NTS: variants seen among roughly 807,000 people sequenced by gnomAD.
The protein encoded by NTS is neurotensin/neuromedin N.
In NTS, 20 loss-of-function variants were observed where a neutral mutation model predicts 19.5. The observed-to-expected ratio is 1.02, with a 90% confidence interval of 0.72 to 1.49. NTS has a LOEUF of 1.49. Ranked by LOEUF, NTS falls within the 40% of genes most tolerant of loss-of-function variation. The pLI is 0.00. For synonymous variants in NTS, 71 were observed against 63.3 expected, an observed-to-expected ratio of 1.12 and a Z score of -0.58; for missense variants, 215 against 193.1, an observed-to-expected ratio of 1.11 and a Z score of -0.67.
intron 3 of NTS, among the ~76,000 whole-genome samples, chr12:85,880,154 G>C (rs896800864): frequency 6.6e-6 from 1 of 151,374 alleles, no homozygotes; most frequent in Non-Finnish European, 1.5e-5. Context: ...GAAACCTTTC[G>C]GTTCTGTGTT....
chr12:85,877,499 A>G (rs1311064833), intron 2 of NTS, among the ~76,000 whole-genome samples: 2 of 151,028 alleles, frequency 1.3e-5, no homozygotes, highest in Non-Finnish European at 2.9e-5. Flanking sequence ...TAAAATTCCA[A>G]TCTGTACCTA....
intron 1 of NTS, among the ~76,000 whole-genome samples, 192 bp downstream of exon 1, chr12:85,874,668 A>C (rs2136588253): frequency 6.6e-6 from 1 of 152,282 alleles, no homozygotes. Context: ...TTCTCTTTTA[A>C]AATCTGCAAA....
At position 85,878,437 on chromosome 12, in the gene NTS, A is replaced by G. The variant is rs1344816466; in HGVS notation, c.228A>G (p.Gly76=). Residue 76 remains glycine (G), a synonymous_variant, in exon 3 of 4, where the codon GGA becomes GGG. Transcript: ENST00000256010. The part of the protein sequence containing the change: ...NNLNSPAEET[G]EVHEEELVAR... ...TGAACAGCCCAGCTGAGGAAACAGG[A>G]GAAGTTCATGAAGAGGAGCTTGTTG... 13 of 1,613,838 alleles carry G rather than the reference A, an allele frequency of 8.1e-6. No individual in the cohort carries two copies. The highest frequency in any genetic ancestry group is 1.1e-5 in the Non-Finnish European group (13 of 1,179,850).
At chr12:85,882,034 T>C (rs1355824359) in intron 3 of NTS, among the ~76,000 whole-genome samples, 189 bp from the exon 4 acceptor site, 3 of 151,854 alleles carry the variant, frequency 2.0e-5, no homozygotes, top group Non-Finnish European at 4.4e-5. Flanking sequence ...ACCATGTTCT[T>C]ATACTATTTC....
At chr12:85,881,342 C>A (rs1881498353) in intron 3 of NTS, among the ~76,000 whole-genome samples, 1 of 151,888 alleles carries the variant, frequency 6.6e-6, no homozygotes, top group Admixed American at 6.6e-5. Context: ...TTATAGTGAC[C>A]CCTCAAATTA....
intron 3 of NTS, among the ~76,000 whole-genome samples, chr12:85,879,989 G>A (rs138095326): frequency 5.4e-5 from 8 of 149,390 alleles, no homozygotes; most frequent in Non-Finnish European, 8.9e-5. Context: ...GGCAAGAACC[G>A]TAATTACTTT....
Position 85,878,310 on chromosome 12 carries a change from G to C in NTS, c.136-35G>C, listed in dbSNP as rs563214288. On this transcript the variant is annotated intron_variant, in intron 2 of 3. Transcript: ENST00000256010. ...TTCATTTCTTGCTCATGTAACACAA[G>C]TTTTAATTGCAGGGGTTTTTTTAAT... The C allele has an allele frequency of 4.1e-6, 6 of 1,478,892 alleles. No homozygotes were observed. In the Admixed American group the frequency reaches 9.9e-5, roughly 24 times the overall value. 91.6% of individuals were successfully genotyped at this position (1,478,892 alleles called of 1,614,324 possible).
At chr12:85,879,681 A>AAT (rs1881453643) in intron 3 of NTS, among the ~76,000 whole-genome samples, 1 of 126,104 alleles carries the variant, frequency 7.9e-6, no homozygotes, top group African/African-American at 3.1e-5. Context: ...ATGTATATAA[A>AAT]ATATATTTTT....
chr12:85,875,900 T>G (rs1881330594), intron 1 of NTS, among the ~76,000 whole-genome samples: 1 of 152,002 alleles, frequency 6.6e-6, no homozygotes, highest in South Asian at 2.1e-4. Flanking sequence ...AACTTTATTT[T>G]TATTATTGTA....
At position 85,874,331 on chromosome 12, in the gene NTS, A is replaced by G; in HGVS notation, c.-73A>G. 2.0e-6 allele frequency: 2 copies of G among 1,018,570 alleles called. No homozygotes were observed. The highest frequency in any genetic ancestry group is 1.3e-5 in the South Asian group (1 of 78,122). 63.1% of individuals were successfully genotyped at this position (1,018,570 alleles called of 1,614,324 possible). On this transcript the variant is annotated 5_prime_UTR_variant, in exon 1 of 4. Transcript: ENST00000256010. ...ACTTTCAAAGCCAGCTGAAGGAAAG[A>G]GGAAGTGCTAGAGAGAGCCCCCTTC...
intron 3 of NTS, among the ~76,000 whole-genome samples, chr12:85,878,992 CAT>C (rs1301700505): frequency 2.0e-5 from 3 of 150,306 alleles, no homozygotes; most frequent in African/African-American, 7.3e-5. Flanking sequence ...TGGAATAAAA[CAT>C]AAATATTTGT....
chr12:85,874,374 T>C lies in NTS; in HGVS notation c.-30T>C, dbSNP rs1459896599. On this transcript the variant is annotated 5_prime_UTR_variant, in exon 1 of 4. Transcript: ENST00000256010. Reference sequence around the variant, plus strand: ...CCCCCTTCAGTGTGCTTCTGACTTTTACGGACTTGGCTTGTTAGAAGGCTG... The same window carrying C: ...CCCCCTTCAGTGTGCTTCTGACTTTCACGGACTTGGCTTGTTAGAAGGCTG... The C allele has an allele frequency of 1.9e-6, 3 of 1,577,596 alleles. No individual in the cohort carries two copies. The highest frequency in any genetic ancestry group is 2.7e-5 in the African/African-American group (2 of 74,308).
intron 2 of NTS, among the ~76,000 whole-genome samples, chr12:85,877,002 G>A (rs1285517511): frequency 6.6e-6 from 1 of 152,086 alleles, no homozygotes; most frequent in East Asian, 1.9e-4. Flanking sequence ...CATTGGGTAT[G>A]ATGAAAGGTA....
rs1226222364 is a variant in NTS, at chr12:85,882,392, T to C, written c.*17T>C. The C allele has an allele frequency of 1.3e-6, 2 of 1,503,442 alleles. No homozygotes were observed. The highest frequency in any genetic ancestry group is 1.8e-6 in the Non-Finnish European group (2 of 1,118,660). The allele number at this position is 1,503,442 out of a possible 1,614,324, so 93.1% of individuals were successfully genotyped here. A position where few individuals can be genotyped will look rare whatever the true frequency, so the allele number is the denominator to read the frequency against. ...TATTACTGAGAGAATAAATCATTTA[T>C]TTACATGTGATTGTGATTCATCATC... is the stretch of plus-strand genomic sequence containing the variant. On this transcript the variant is annotated 3_prime_UTR_variant, in exon 4 of 4. Coordinates refer to ENST00000256010, the MANE Select transcript of NTS (RefSeq NM_006183.5).
At position 85,878,569 on chromosome 12, in the gene NTS, G is replaced by A. The variant is rs1383328617; in HGVS notation, c.360G>A (p.Glu120=). 2 of 1,574,618 alleles carry A rather than the reference G, an allele frequency of 1.3e-6. No homozygotes were observed. The highest frequency in any genetic ancestry group is 1.2e-5 in the South Asian group (1 of 86,582). ...ICHSRAFQHW[E]LIQEDILDTG... ...ACAGCAGGGCTTTTCAACACTGGGA[G>A]GTATAGCAATAACAAAATATTAATA... Residue 120 remains glutamate (E), a splice_region_variant and synonymous_variant, in exon 3 of 4, where the codon GAG becomes GAA. Transcript: ENST00000256010.
In NTS at chr12:85,878,344, G is replaced by T; in HGVS notation, c.136-1G>T. The T allele has an allele frequency of 6.4e-7, 1 of 1,574,206 alleles. No individual in the cohort carries two copies. Among genetic ancestry groups the T allele is most frequent in the Non-Finnish European group, 8.6e-7 (1 of 1,159,716 alleles). On this transcript the variant is annotated splice_acceptor_variant, in intron 2 of 3. Coordinates refer to ENST00000256010, the MANE Select transcript of NTS (RefSeq NM_006183.5). LOFTEE classifies it high-confidence loss of function. ...GCAGGGGTTTTTTTAATATATTTCA[G>T]ATTAGTAAAGCACATGTTCCCTCTT... is the stretch of plus-strand genomic sequence containing the variant.
intron 2 of NTS, 34 bp from the exon 3 acceptor site, chr12:85,878,311 T>A (rs992224201): frequency 1.3e-5 from 19 of 1,478,972 alleles, no homozygotes; most frequent in Non-Finnish European, 1.7e-5. Context: ...GTAACACAAG[T>A]TTTAATTGCA....
In NTS at chr12:85,874,384, G is replaced by A; in HGVS notation, c.-20G>A. On this transcript the variant is annotated 5_prime_UTR_variant, in exon 1 of 4. Transcript: ENST00000256010. ...TGTGCTTCTGACTTTTACGGACTTG[G>A]CTTGTTAGAAGGCTGAAAGATGATG... is the stretch of plus-strand genomic sequence containing the variant. 1 of 1,602,464 alleles carries A rather than the reference G, an allele frequency of 6.2e-7. No homozygotes were observed. Among genetic ancestry groups the A allele is most frequent in the Non-Finnish European group, 8.6e-7 (1 of 1,169,544 alleles).
At position 85,874,399 on chromosome 12, in the gene NTS, G is replaced by A. The variant is rs1881283007; in HGVS notation, c.-5G>A. The A allele has an allele frequency of 6.2e-7, 1 of 1,612,024 alleles. No homozygotes were observed. The highest frequency in any genetic ancestry group is 1.3e-5 in the African/African-American group (1 of 75,004). On this transcript the variant is annotated 5_prime_UTR_variant, in exon 1 of 4. Coordinates refer to ENST00000256010, the MANE Select transcript of NTS (RefSeq NM_006183.5). ...TACGGACTTGGCTTGTTAGAAGGCT[G>A]AAAGATGATGGCAGGAATGAAAATC... is the stretch of plus-strand genomic sequence containing the variant.
Sources: allele counts gnomAD v4.1 joint callset (sites outside exome capture counted in the v4.1 genomes callset), GRCh38; gene constraint gnomAD v4.1.1; transcripts MANE v1.5; gene names NCBI Gene and HGNC (gene_info 2026-07-23, HGNC 2026-07-21).